The following PAK5 variants were observed in gnomAD, a reference collection of about 807,000 sequenced individuals.
The protein encoded by PAK5 is p21 (RAC1) activated kinase 5.
A neutral mutation model predicts 65.9 loss-of-function variants in PAK5; 16 were observed. The observed-to-expected ratio is 0.24, with a 90% CI of 0.16 to 0.37. The LOEUF is 0.37. Ranked by LOEUF, PAK5 falls within the 10% of genes least tolerant of loss-of-function variation. The pLI is 1.00. For synonymous variants in PAK5, 371 were observed against 354.9 expected, an observed-to-expected ratio of 1.05 and a Z score of -0.51; for missense variants, 785 against 903.9, an observed-to-expected ratio of 0.87 and a Z score of 1.69.
intron 1 of PAK5, among the ~76,000 whole-genome samples, chr20:9,749,466 A>G (rs1476677104): frequency 1.3e-5 from 2 of 152,176 alleles, no homozygotes; most frequent in Admixed American, 6.6e-5. Context: ...TTAAGATCTG[A>G]CAAAATACAG....
intron 1 of PAK5, among the ~76,000 whole-genome samples, chr20:9,812,549 A>G (rs2049309996): frequency 6.6e-6 from 1 of 152,186 alleles, no homozygotes; most frequent in African/African-American, 2.4e-5. Flanking sequence ...TTAAACATGT[A>G]CCTACCATAT....
chr20:9,566,244 G>A lies in PAK5; in HGVS notation c.1131C>T (p.Tyr377=), dbSNP rs2122999526. 2.5e-6 allele frequency: 4 copies of A among 1,613,804 alleles called. No individual in the cohort carries two copies. Among genetic ancestry groups the A allele is most frequent in the Non-Finnish European group, 3.4e-6 (4 of 1,180,006 alleles). The change falls in exon 5 of 10, where the codon TAC becomes TAT. Residue 377 remains tyrosine, a synonymous_variant. Coordinates refer to ENST00000353224, the MANE Select transcript of PAK5 (RefSeq NM_177990.4). ...SSSSHQYPSG[Y]HKATLYHHPS... is the part of the protein sequence containing the mutation. The stretch of plus-strand genomic sequence containing the variant: ...GGTGATGGTACAAGGTGGCTTTGTG[G>A]TACCCAGACGGGTACTGGTGACTGC...
chr20:9,787,657 A>G (rs201101189), intron 1 of PAK5, among the ~76,000 whole-genome samples: 28 of 135,286 alleles, frequency 2.1e-4, no homozygotes, highest in South Asian at 9.7e-4. Context: ...GTGTGTGTGT[A>G]TGTGTATACA....
At chr20:9,569,787 C>T (rs937301320) in intron 4 of PAK5, among the ~76,000 whole-genome samples, 3 of 149,658 alleles carry the variant, frequency 2.0e-5, no homozygotes, top group Admixed American at 6.6e-5. Context: ...CAACACTGCC[C>T]ATTGGTTCTA....
chr20:9,625,763 G>A (rs1036401789), intron 3 of PAK5, among the ~76,000 whole-genome samples: 2 of 152,118 alleles, frequency 1.3e-5, no homozygotes, highest in African/African-American at 4.8e-5. Flanking sequence ...TTCCTTCCCT[G>A]TGTTCTCCTA....
intron 1 of PAK5, among the ~76,000 whole-genome samples, chr20:9,776,408 G>A (rs1446201295): frequency 6.6e-6 from 1 of 152,166 alleles, no homozygotes; most frequent in East Asian, 1.9e-4. Flanking sequence ...CACTGTGGGA[G>A]CTTATATTCT....
At chr20:9,708,967 T>C (rs1201510641) in intron 2 of PAK5, among the ~76,000 whole-genome samples, 2 of 152,118 alleles carry the variant, frequency 1.3e-5, no homozygotes, top group East Asian at 1.9e-4. Context: ...TACAAACGTA[T>C]GCTGGCATCA....
intron 3 of PAK5, among the ~76,000 whole-genome samples, chr20:9,631,431 CT>C (rs2123227442): frequency 6.6e-6 from 1 of 152,188 alleles, no homozygotes; most frequent in East Asian, 1.9e-4. Flanking sequence ...CTAGCTCTTG[CT>C]TTCCTGCTAG....
intron 2 of PAK5, among the ~76,000 whole-genome samples, chr20:9,691,285 G>A (rs1041106394): frequency 2.0e-5 from 3 of 152,192 alleles, no homozygotes; most frequent in African/African-American, 7.2e-5. Context: ...TGTACCAAAA[G>A]AGGAAAGCAC....
Position 9,838,339 on chromosome 20 carries a change from C to A in PAK5, c.-162+423G>T. 1.3e-5 allele frequency among the ~76,000 whole-genome samples: 2 copies of A among 152,190 alleles called. No individual in the cohort carries two copies. The highest frequency in any genetic ancestry group is 4.8e-5 in the African/African-American group (2 of 41,464). ...TGCTCTGGCAATATGTCCAACACTT[C>A]TCGGGAAAAGCAGCGCCGTGGCACC... is the stretch of plus-strand genomic sequence containing the variant. On this transcript the variant is annotated intron_variant, in intron 1 of 9. Transcript: ENST00000353224. The surrounding 1 kb of genome is among the most constrained non-coding windows in gnomAD (Gnocchi z 4.5).
intron 2 of PAK5, among the ~76,000 whole-genome samples, chr20:9,709,879 C>T (rs1375694780): frequency 6.6e-6 from 1 of 152,132 alleles, no homozygotes; most frequent in Non-Finnish European, 1.5e-5. Flanking sequence ...GCATACATTT[C>T]TTTTCCTCTC....
chr20:9,569,579 A>G (rs1280308327), intron 4 of PAK5, among the ~76,000 whole-genome samples: 2 of 152,154 alleles, frequency 1.3e-5, no homozygotes, highest in Admixed American at 6.5e-5. Context: ...GGGCTAATGA[A>G]TCCTGTCAAA....
At chr20:9,720,513 T>C (rs1334385137) in intron 1 of PAK5, among the ~76,000 whole-genome samples, 1 of 152,190 alleles carries the variant, frequency 6.6e-6, no homozygotes, top group Non-Finnish European at 1.5e-5. Context: ...TGTATCAACA[T>C]TATTGCCTTT....
chr20:9,544,704 T>C (rs2072953), intron 7 of PAK5, among the ~76,000 whole-genome samples: 22,094 of 152,114 alleles, frequency 0.15, 2,244 homozygotes, highest in African/African-American at 0.28. Context: ...CAGGATCAAC[T>C]TCCAAATGTC....
At chr20:9,736,168 T>C (rs1278904058) in intron 1 of PAK5, among the ~76,000 whole-genome samples, 1 of 151,976 alleles carries the variant, frequency 6.6e-6, no homozygotes, top group Admixed American at 6.6e-5. Context: ...CCCAAAACTC[T>C]GGGATTACAG....
At chr20:9,604,586 G>A (rs1273413581) in intron 3 of PAK5, among the ~76,000 whole-genome samples, 1 of 152,158 alleles carries the variant, frequency 6.6e-6, no homozygotes, top group Non-Finnish European at 1.5e-5. Flanking sequence ...GGTCTCTCTA[G>A]AGCCAAAGCT....
intron 1 of PAK5, among the ~76,000 whole-genome samples, chr20:9,826,227 TGTC>T (rs2049482593): frequency 1.2e-5 from 1 of 83,720 alleles, no homozygotes; most frequent in Non-Finnish European, 2.3e-5. Flanking sequence ...AATTTCACAC[TGTC>T]TGTGTTAAAC....
intron 1 of PAK5, among the ~76,000 whole-genome samples, chr20:9,824,458 T>C (rs548802885): frequency 6.6e-6 from 1 of 152,292 alleles, no homozygotes; most frequent in East Asian, 1.9e-4. Flanking sequence ...AGTAATGGTG[T>C]CCTTAGCAGC....
At chr20:9,796,088 T>C (rs1362330708) in intron 1 of PAK5, among the ~76,000 whole-genome samples, 3 of 151,998 alleles carry the variant, frequency 2.0e-5, no homozygotes, top group Non-Finnish European at 2.9e-5. Context: ...CCCCAACAAA[T>C]ACCATTTGCC....
Sources: allele counts gnomAD v4.1 joint callset (sites outside exome capture counted in the v4.1 genomes callset), GRCh38; gene constraint gnomAD v4.1.1; non-coding constraint Gnocchi (gnomAD v3.1); transcripts MANE v1.5; gene names NCBI Gene and HGNC (gene_info 2026-07-23, HGNC 2026-07-21).